The following PATJ variants were observed in gnomAD, a reference collection of about 807,000 sequenced individuals.
The protein encoded by PATJ is PATJ crumbs cell polarity complex component, also known as inaD-like protein.
A neutral mutation model predicts 224.9 loss-of-function variants in PATJ; 190 were observed. That is an observed-to-expected ratio of 0.84 (90% CI 0.75 to 0.95). The LOEUF is 0.95. Among genes scored for constraint, PATJ ranks in the 40% least tolerant of loss-of-function variants. The pLI is 0.00. For synonymous variants in PATJ, 769 were observed against 820.3 expected (o/e 0.94, Z 1.07); for missense variants, 2,121 against 2,270.3 (o/e 0.93, Z 1.34).
At chr1:61,925,348 C>A (rs1002681125) in intron 26 of PATJ, among the ~76,000 whole-genome samples, 1 of 151,586 alleles carries the variant, frequency 6.6e-6, no homozygotes, top group South Asian at 2.1e-4. Context: ...TTTATAGAAG[C>A]AGCATAATAT....
intron 27 of PATJ, among the ~76,000 whole-genome samples, chr1:61,931,903 A>G (rs1157984919): frequency 6.6e-6 from 1 of 152,228 alleles, no homozygotes; most frequent in Non-Finnish European, 1.5e-5. Context: ...ACACATACAC[A>G]CAGGAACATG....
chr1:61,855,524 C>T (rs768922702), intron 17 of PATJ, among the ~76,000 whole-genome samples: 1 of 152,074 alleles, frequency 6.6e-6, no homozygotes, highest in Non-Finnish European at 1.5e-5. Context: ...CCTCAGCACC[C>T]CCTGCTCCAC....
Position 61,839,145 on chromosome 1 carries a change from G to A in PATJ, c.2112+5360G>A, listed in dbSNP as rs112026729. Among the ~76,000 whole-genome samples, 393 of 151,884 alleles carry A rather than the reference G, an allele frequency of 2.6e-3. 1 individual carries two copies. The highest frequency in any genetic ancestry group is 4.7e-3 in the Non-Finnish European group (318 of 67,950). On this transcript the variant is annotated intron_variant, in intron 17 of 43. Transcript: ENST00000642238. ...CTTCTGCCGCCGACTCCTCCACCAGGTCTATGCCTTTAACCATCATACTAT... is the reference window on the plus strand; with the variant it reads ...CTTCTGCCGCCGACTCCTCCACCAGATCTATGCCTTTAACCATCATACTAT...
intron 30 of PATJ, among the ~76,000 whole-genome samples, chr1:62,049,931 C>A (rs1653270460): frequency 6.6e-6 from 1 of 151,830 alleles, no homozygotes; most frequent in Non-Finnish European, 1.5e-5. Context: ...CCAGCCTTGC[C>A]AACACAGCAA....
intron 31 of PATJ, among the ~76,000 whole-genome samples, chr1:62,062,055 A>C (rs1655561848): frequency 6.6e-6 from 1 of 152,186 alleles, no homozygotes; most frequent in South Asian, 2.1e-4. Flanking sequence ...CAACATATGA[A>C]TGCAGGTGTC....
intron 33 of PATJ, among the ~76,000 whole-genome samples, chr1:62,085,243 T>G (rs1180479833): frequency 6.6e-6 from 1 of 151,952 alleles, no homozygotes; most frequent in Non-Finnish European, 1.5e-5. Flanking sequence ...GCCCCACTCC[T>G]TAGGAGGCTG....
chr1:61,937,829 T>G (rs923094342), intron 27 of PATJ, among the ~76,000 whole-genome samples: 2 of 152,062 alleles, frequency 1.3e-5, no homozygotes, highest in Non-Finnish European at 2.9e-5. Context: ...TTTGTGTTTT[T>G]AGTAGCGATA....
chr1:62,009,291 A>T (rs1176681106), intron 28 of PATJ, among the ~76,000 whole-genome samples: 1 of 152,222 alleles, frequency 6.6e-6, no homozygotes, highest in African/African-American at 2.4e-5. Flanking sequence ...AGACTACCAC[A>T]ATAAAGCAAG....
At position 61,810,780 on chromosome 1, in the gene PATJ, C is replaced by T. The variant is rs554938928; in HGVS notation, c.1683+2250C>T. On this transcript the variant is annotated intron_variant, in intron 14 of 43. Transcript: ENST00000642238. ...GTACTAAAAATACAAAAAAATTAGCCGGGCGTGGTAGTGGGCACCTGTAAT... is the reference window on the plus strand; with the variant it reads ...GTACTAAAAATACAAAAAAATTAGCTGGGCGTGGTAGTGGGCACCTGTAAT... Among the ~76,000 whole-genome samples, 13 of 151,714 alleles carry T rather than the reference C, an allele frequency of 8.6e-5. No individual in the cohort carries two copies. In the East Asian group the frequency reaches 9.7e-4, roughly 11 times the overall value.
chr1:62,047,504 C>T (rs1652781777), intron 30 of PATJ, among the ~76,000 whole-genome samples: 1 of 152,200 alleles, frequency 6.6e-6, no homozygotes, highest in Non-Finnish European at 1.5e-5. Flanking sequence ...CCCGTCTCAG[C>T]CTCCCAAAGT....
intron 41 of PATJ, among the ~76,000 whole-genome samples, chr1:62,145,784 T>C (rs911049616): frequency 7.9e-5 from 12 of 151,844 alleles, no homozygotes; most frequent in Non-Finnish European, 1.8e-4. Flanking sequence ...GGTGAAACCC[T>C]GTCTCTACTA....
intron 26 of PATJ, among the ~76,000 whole-genome samples, chr1:61,918,564 G>T (rs140781862): frequency 1.3e-5 from 2 of 151,254 alleles, no homozygotes; most frequent in Non-Finnish European, 2.9e-5. Flanking sequence ...GCCCACCTCC[G>T]CCTCTCAAAG....
At chr1:62,045,435 A>C (rs991421343) in intron 30 of PATJ, among the ~76,000 whole-genome samples, 1 of 152,178 alleles carries the variant, frequency 6.6e-6, no homozygotes, top group South Asian at 2.1e-4. Context: ...CTTATGTGGA[A>C]GATTTTGGGA....
chr1:61,830,084 C>T (rs1174760075), intron 16 of PATJ, among the ~76,000 whole-genome samples: 1 of 152,082 alleles, frequency 6.6e-6, no homozygotes, highest in Non-Finnish European at 1.5e-5. Context: ...AGATCTGGAC[C>T]AATCCTAATT....
At chr1:61,869,622 C>A (rs936569061) in intron 20 of PATJ, among the ~76,000 whole-genome samples, 2 of 152,192 alleles carry the variant, frequency 1.3e-5, no homozygotes, top group African/African-American at 2.4e-5. Flanking sequence ...TAATAATCTT[C>A]ATACTGAAGC....
At chr1:62,072,509 T>G (rs540666785) in intron 31 of PATJ, 7 of 152,190 alleles carry the variant, frequency 4.6e-5, no homozygotes, top group African/African-American at 1.7e-4. Context: ...GGAGGATCAC[T>G]TGAGCCCAGA....
At chr1:61,971,323 T>C (rs1682939313) in intron 27 of PATJ, among the ~76,000 whole-genome samples, 1 of 152,198 alleles carries the variant, frequency 6.6e-6, no homozygotes, top group African/African-American at 2.4e-5. Flanking sequence ...AAATAAGATT[T>C]TGTTAGTGTC....
chr1:62,150,681 A>G (rs1265909726), intron 42 of PATJ, among the ~76,000 whole-genome samples: 3 of 27,140 alleles, frequency 1.1e-4, no homozygotes, highest in African/African-American at 4.7e-4. Context: ...TGTCTCAAGA[A>G]AAAAAAAAAA....
chr1:61,959,519 C>T (rs1383812823), intron 27 of PATJ, among the ~76,000 whole-genome samples: 3 of 149,662 alleles, frequency 2.0e-5, no homozygotes, highest in South Asian at 2.1e-4. Context: ...ACTGCAGCCT[C>T]GACCCACCAG....
Sources: allele counts gnomAD v4.1 joint callset (sites outside exome capture counted in the v4.1 genomes callset), GRCh38; gene constraint gnomAD v4.1.1; transcripts MANE v1.5; gene names NCBI Gene and HGNC (gene_info 2026-07-23, HGNC 2026-07-21).